Variants in SLX1A observed in about 807,000 individuals in gnomAD.
The protein encoded by SLX1A is structure-specific endonuclease subunit SLX1.
chr16:30,197,225 G>C (rs1353943288), intron 4 of SLX1A, 45 bp from the exon 5 acceptor site: 1 of 1,456,094 alleles, frequency 6.9e-7, no homozygotes, highest in South Asian at 1.2e-5. Flanking sequence ...GAGGGGGCTT[G>C]TGGCATCTGA....
chr16:30,197,022 GC>G lies in SLX1A; in HGVS notation c.634del (p.His212MetfsTer2), dbSNP rs772707288. The part of the protein sequence containing the change: ...CCPHPGCLLR[A>X]HVICLAEEFL... Reference sequence around the variant, plus strand: ...CCCCCACCCTGGCTGCCTGCTAAGGGCCCATGTGATCTGCCTGGCAGAGGAG... The same window carrying G: ...CCCCCACCCTGGCTGCCTGCTAAGGGCCATGTGATCTGCCTGGCAGAGGAG... On this transcript the variant is annotated frameshift_variant, in exon 4 of 6. Transcript: ENST00000251303. LOFTEE classifies it high-confidence loss of function. 14 of 1,050,310 alleles carry G rather than the reference GC, an allele frequency of 1.3e-5. No homozygotes were observed. Among genetic ancestry groups the G allele is most frequent in the Non-Finnish European group, 1.3e-5 (10 of 747,438 alleles). The allele number at this position is 1,050,310 out of a possible 1,614,324, so 65.1% of individuals were successfully genotyped here.
At position 30,197,260 on chromosome 16, in the gene SLX1A, TC is replaced by T; in HGVS notation, c.711-8del. 1 of 1,109,572 alleles carries T rather than the reference TC, an allele frequency of 9.0e-7. No homozygotes were observed. The highest frequency in any genetic ancestry group is 1.3e-6 in the Non-Finnish European group (1 of 756,846). The allele number at this position is 1,109,572 out of a possible 1,614,324, so 68.7% of individuals were successfully genotyped here. A position where few individuals can be genotyped will look rare whatever the true frequency, so the allele number is the denominator to read the frequency against. On this transcript the variant is annotated splice_polypyrimidine_tract_variant and intron_variant, in intron 4 of 5. Transcript: ENST00000251303. ...ACTCTGTATCTCCTACCTGCCCCTC[TC>T]CTTGGTAGCTGTGAGAAGTCACTGC...
In SLX1A at chr16:30,195,074, C is replaced by CCCG. The variant is rs1232431764; in HGVS notation, c.440_442dup (p.Pro147dup). ...CAGACCTCCGCCAGGACCTCTGCCT[C>CCCG]CCGCCGCCGCCGCACGTGCCTCTGG... is the stretch of plus-strand genomic sequence containing the variant. On this transcript the variant is annotated inframe_insertion, in exon 3 of 6. Transcript: ENST00000251303. 27 of 761,952 alleles carry CCCG rather than the reference C, an allele frequency of 3.5e-5. No homozygotes were observed. The highest frequency in any genetic ancestry group is 6.6e-5 in the East Asian group (2 of 30,326). 47.2% of individuals were successfully genotyped at this position (761,952 alleles called of 1,614,324 possible).
Position 30,195,005 on chromosome 16 carries a change from A to ACCGC in SLX1A, c.363_366dup (p.Trp123AlafsTer50). The ACCGC allele has an allele frequency of 7.9e-7, 1 of 1,258,460 alleles. No homozygotes were observed. The highest frequency in any genetic ancestry group is 1.1e-6 in the Non-Finnish European group (1 of 932,702). 78.0% of individuals were successfully genotyped at this position (1,258,460 alleles called of 1,614,324 possible). A position where few individuals can be genotyped will look rare whatever the true frequency, so the allele number is the denominator to read the frequency against. Reference sequence around the variant, plus strand: ...GCGTGCTGGCGCACATGCTGCGCGCACCGCCCTGGGCTCGCCTCCCGCTCA... The same window carrying ACCGC: ...GCGTGCTGGCGCACATGCTGCGCGCACCGCCCGCCCTGGGCTCGCCTCCCGCTCA... On this transcript the variant is annotated frameshift_variant, in exon 3 of 6. Coordinates refer to ENST00000251303, the MANE Select transcript of SLX1A (RefSeq NM_001014999.3). LOFTEE classifies it high-confidence loss of function.
Position 30,195,178 on chromosome 16 carries a change from ACCAGGGGGATCCAG to A in SLX1A, c.534_547del (p.Asp178GlufsTer14), listed in dbSNP as rs2073417228. 1 of 343,574 alleles carries A rather than the reference ACCAGGGGGATCCAG, an allele frequency of 2.9e-6. No individual in the cohort carries two copies. The highest frequency in any genetic ancestry group is 4.7e-6 in the Non-Finnish European group (1 of 213,928). The allele number at this position is 343,574 out of a possible 1,614,324, so 21.3% of individuals were successfully genotyped here. A position where few individuals can be genotyped will look rare whatever the true frequency, so the allele number is the denominator to read the frequency against. On this transcript the variant is annotated frameshift_variant, in exon 3 of 6. Coordinates refer to ENST00000251303, the MANE Select transcript of SLX1A (RefSeq NM_001014999.3). LOFTEE classifies it high-confidence loss of function. ...TTTGATGACGCGGAGCCTGAGCCAGACCAGGGGGATCCAGGGGCCTGCTGCTCCCTGTGCGCCCA... is the reference window on the plus strand; with the variant it reads ...TTTGATGACGCGGAGCCTGAGCCAGAGGGCCTGCTGCTCCCTGTGCGCCCA...
At chr16:30,194,610 TG>T in intron 1 of SLX1A, 129 bp from the exon 2 acceptor site, 1 of 1,150,362 alleles carries the variant, frequency 8.7e-7, no homozygotes, top group Non-Finnish European at 1.2e-6. Context: ...GGGCCTGAGG[TG>T]GGCAGGTGCA....
Position 30,195,162 on chromosome 16 carries a change from G to GC in SLX1A, c.518dup (p.Glu174GlyfsTer3). On this transcript the variant is annotated frameshift_variant, in exon 3 of 6. Coordinates refer to ENST00000251303, the MANE Select transcript of SLX1A (RefSeq NM_001014999.3). LOFTEE classifies it high-confidence loss of function. ...GCGCCGCGCAGGTCCCTTTGATGAC[G>GC]CGGAGCCTGAGCCAGACCAGGGGGA... 2 of 376,016 alleles carry GC rather than the reference G, an allele frequency of 5.3e-6. No homozygotes were observed. Among genetic ancestry groups the GC allele is most frequent in the Non-Finnish European group, 8.5e-6 (2 of 234,564 alleles). The allele number at this position is 376,016 out of a possible 1,614,324, so 23.3% of individuals were successfully genotyped here. A position where few individuals can be genotyped will look rare whatever the true frequency, so the allele number is the denominator to read the frequency against.
In SLX1A at chr16:30,194,977, TG is replaced by T. The variant is rs1474040188; in HGVS notation, c.333del (p.Arg112AlafsTer98). 2.2e-6 allele frequency: 3 copies of T among 1,367,032 alleles called. No individual in the cohort carries two copies. In the African/African-American group the frequency reaches 4.3e-5, roughly 20 times the overall value. 84.7% of individuals were successfully genotyped at this position (1,367,032 alleles called of 1,614,324 possible). On this transcript the variant is annotated frameshift_variant, in exon 3 of 6. Coordinates refer to ENST00000251303, the MANE Select transcript of SLX1A (RefSeq NM_001014999.3). LOFTEE classifies it high-confidence loss of function. Reference protein sequence around the residue: ...LRGETAFAFHLRVLAHMLRAP... With the variant: ...LRGETAFAFHXRVLAHMLRAP... ...GGAGAGACAGCCTTCGCTTTCCACC[TG>T]CGCGTGCTGGCGCACATGCTGCGCG...
rs2073405156 is a variant in SLX1A, at chr16:30,194,452, CGCG to C, written c.188+185_188+187del. On this transcript the variant is annotated intron_variant, in intron 1 of 5. Transcript: ENST00000251303. ...GGGGAGGCGGTGCCCGGGGCATCTC[CGCG>C]GCGGAACTCAGGGAAGGAGCTAGCT... is the stretch of plus-strand genomic sequence containing the variant. The C allele has an allele frequency of 1.9e-5, 10 of 525,638 alleles. No homozygotes were observed. The South Asian group carries it at 2.1e-4, about 11-fold the overall frequency. The allele number at this position is 525,638 out of a possible 1,614,324, so 32.6% of individuals were successfully genotyped here. A position where few individuals can be genotyped will look rare whatever the true frequency, so the allele number is the denominator to read the frequency against.
At position 30,197,545 on chromosome 16, in the gene SLX1A, TAAA is replaced by T; in HGVS notation, c.*82_*84del. 2.5e-6 allele frequency: 1 copy of T among 398,850 alleles called. No homozygotes were observed. The highest frequency in any genetic ancestry group is 2.3e-5 in the South Asian group (1 of 43,700). The allele number at this position is 398,850 out of a possible 1,614,324, so 24.7% of individuals were successfully genotyped here. A position where few individuals can be genotyped will look rare whatever the true frequency, so the allele number is the denominator to read the frequency against. ...CCAGCAGGTTTTTACTTGAGTACAA[TAAA>T]AAGTCTGAGTCAAGGGTGCCTTATG... On this transcript the variant is annotated 3_prime_UTR_variant, in exon 6 of 6. Coordinates refer to ENST00000251303, the MANE Select transcript of SLX1A (RefSeq NM_001014999.3).
Position 30,197,317 on chromosome 16 carries a change from T to TCA in SLX1A, c.758_759insCA (p.Met253IlefsTer8). The TCA allele has an allele frequency of 8.5e-7, 1 of 1,177,984 alleles. No individual in the cohort carries two copies. The allele number at this position is 1,177,984 out of a possible 1,614,324, so 73.0% of individuals were successfully genotyped here. On this transcript the variant is annotated frameshift_variant, in exon 5 of 6. Transcript: ENST00000251303. LOFTEE classifies it high-confidence loss of function. ...GGAGACCTGATCTGGCTGTGCCAGA[T>TCA]GGACACTGAGAAAGAAGTAGAAGAC...
In SLX1A at chr16:30,197,470, TCA is replaced by T. The variant is rs1225176946; in HGVS notation, c.*5_*6del. ...GACAGACCTGCTGGAGACCTGATCC[TCA>T]GTGTCCTTACCCCCTCCTACCTCTT... is the stretch of plus-strand genomic sequence containing the variant. On this transcript the variant is annotated 3_prime_UTR_variant, in exon 6 of 6. Coordinates refer to ENST00000251303, the MANE Select transcript of SLX1A (RefSeq NM_001014999.3). 2 of 599,326 alleles carry T rather than the reference TCA, an allele frequency of 3.3e-6. No homozygotes were observed. Among genetic ancestry groups the T allele is most frequent in the East Asian group, 2.7e-5 (1 of 36,776 alleles). 37.1% of individuals were successfully genotyped at this position (599,326 alleles called of 1,614,324 possible).
At position 30,194,222 on chromosome 16, in the gene SLX1A, T is replaced by TG; in HGVS notation, c.143dup (p.Arg49ProfsTer34). 5.9e-6 allele frequency: 1 copy of TG among 168,242 alleles called. No homozygotes were observed. The highest frequency in any genetic ancestry group is 1.0e-5 in the Non-Finnish European group (1 of 100,148). The allele number at this position is 168,242 out of a possible 1,614,324, so 10.4% of individuals were successfully genotyped here. ...CTGCTCGTCGGGTCCAGCAGCACAA[T>TG]GGGGGCCGCAAAAAAGGCGGGGCCT... On this transcript the variant is annotated frameshift_variant, in exon 1 of 6. Coordinates refer to ENST00000251303, the MANE Select transcript of SLX1A (RefSeq NM_001014999.3). LOFTEE classifies it high-confidence loss of function.
intron 3 of SLX1A, 47 bp from the exon 4 acceptor site, chr16:30,196,926 CA>C: frequency 1.8e-6 from 1 of 567,968 alleles, no homozygotes; most frequent in South Asian, 1.9e-5. Context: ...GGGTTGCTGC[CA>C]GCTGCCTCTC....
chr16:30,194,556 GGA>G, intron 1 of SLX1A, 182 bp from the exon 2 acceptor site: 1 of 639,934 alleles, frequency 1.6e-6, no homozygotes, highest in Non-Finnish European at 2.7e-6. Context: ...GTGGAATGCA[GGA>G]GAGAGAGGAG....
At chr16:30,194,398 C>CG in intron 1 of SLX1A, 126 bp downstream of exon 1, 2 of 449,686 alleles carry the variant, frequency 4.4e-6, no homozygotes, top group South Asian at 5.1e-5. Flanking sequence ...GTGGTGGGGA[C>CG]GGGGCCTGTC....
intron 1 of SLX1A, 193 bp downstream of exon 1, chr16:30,194,465 AG>A: frequency 1.9e-6 from 1 of 533,100 alleles, no homozygotes; most frequent in East Asian, 3.2e-5. Flanking sequence ...GGCGGAACTC[AG>A]GGAAGGAGCT....
At position 30,194,172 on chromosome 16, in the gene SLX1A, GTCT is replaced by G; in HGVS notation, c.89_91del (p.Val30_Tyr31delinsAsp). 1 of 119,076 alleles carries G rather than the reference GTCT, an allele frequency of 8.4e-6. No individual in the cohort carries two copies. The highest frequency in any genetic ancestry group is 1.4e-5 in the Non-Finnish European group (1 of 71,360). The allele number at this position is 119,076 out of a possible 1,614,324, so 7.4% of individuals were successfully genotyped here. On this transcript the variant is annotated inframe_deletion, in exon 1 of 6. Coordinates refer to ENST00000251303, the MANE Select transcript of SLX1A (RefSeq NM_001014999.3). ...CCTGAACCCCCGGTACCGGGGCCGCGTCTACGTGGGGTTCACTGTCAACACTGC... is the reference window on the plus strand; with the variant it reads ...CCTGAACCCCCGGTACCGGGGCCGCGACGTGGGGTTCACTGTCAACACTGC...
intron 1 of SLX1A, 76 bp from the exon 2 acceptor site, chr16:30,194,664 C>G (rs1467379325): frequency 6.3e-7 from 1 of 1,584,228 alleles, no homozygotes; most frequent in African/African-American, 1.3e-5. Flanking sequence ...GAGGACCCCG[C>G]TCTCGGGTGG....
Sources: gnomAD v4.1 joint callset for allele counts on GRCh38, gnomAD v4.1.1 for gene constraint, MANE v1.5 for transcripts, NCBI Gene and HGNC (gene_info 2026-07-23, HGNC 2026-07-21) for gene names.